The following CREBL2 variants were observed in gnomAD, a reference collection of about 807,000 sequenced individuals.
The protein encoded by CREBL2 is cAMP responsive element binding protein like 2.
A neutral mutation model predicts 19.5 loss-of-function variants in CREBL2; 4 were observed. The ratio of observed to expected loss-of-function variants is 0.20; its 90% CI spans 0.10 to 0.47. The LOEUF is 0.47. CREBL2 is among the 20% of genes least tolerant of loss of function. The probability of loss-of-function intolerance (pLI) is 0.98; values close to 1 mark genes in which losing one functional copy is unlikely to be tolerated. For synonymous variants in CREBL2, 42 were observed against 46.6 expected (o/e 0.90, Z 0.40); for missense variants, 85 against 145.1 (o/e 0.59, Z 2.13).
At chr12:12,614,764 CT>C in intron 1 of CREBL2, 1 of 341,030 alleles carries the variant, frequency 2.9e-6, no homozygotes, top group South Asian at 2.5e-5. Flanking sequence ...TGGCAAGAAT[CT>C]TTCCCTTTTT....
chr12:12,643,342 T>G lies in CREBL2; in HGVS notation c.*1344T>G, dbSNP rs1445349729. 6.6e-6 allele frequency: 1 copy of G among 152,620 alleles called. No individual in the cohort carries two copies. Among genetic ancestry groups the G allele is most frequent in the African/African-American group, 2.4e-5 (1 of 41,432 alleles). The allele number at this position is 152,620 out of a possible 1,614,324, so 9.5% of individuals were successfully genotyped here. A position where few individuals can be genotyped will look rare whatever the true frequency, so the allele number is the denominator to read the frequency against. On this transcript the variant is annotated 3_prime_UTR_variant, in exon 4 of 4. Coordinates refer to ENST00000228865, the MANE Select transcript of CREBL2 (RefSeq NM_001310.4). ...AGACAGACCCAGAAATCTTTTGATT[T>G]CCCCAGCGAGATACTTACCACTCTC...
At chr12:12,617,643 CTTTTTTTTTTTTTTTTTTTTTTTT>C (rs66943066) in intron 1 of CREBL2, among the ~76,000 whole-genome samples, 60 of 38,768 alleles carry the variant, frequency 1.5e-3, no homozygotes, top group African/African-American at 3.5e-3. Flanking sequence ...TTTAGTAATT[CTTTTTTTTTTTTTTTTTTTTTTTT>C]TTTTTTTTTT....
At chr12:12,614,863 T>G (rs1240594389) in intron 1 of CREBL2, 7 of 258,980 alleles carry the variant, frequency 2.7e-5, no homozygotes, top group African/African-American at 1.1e-4. Context: ...ATTAGTTTTT[T>G]TTTTTTTTTT....
chr12:12,619,330 C>T (rs961582741), intron 1 of CREBL2, among the ~76,000 whole-genome samples: 1 of 152,100 alleles, frequency 6.6e-6, no homozygotes, highest in Non-Finnish European at 1.5e-5. Context: ...TTCTTCTTGG[C>T]CAGGTGTGGT....
At chr12:12,621,586 A>G (rs1208114371) in intron 1 of CREBL2, among the ~76,000 whole-genome samples, 2 of 151,924 alleles carry the variant, frequency 1.3e-5, no homozygotes, top group Non-Finnish European at 2.9e-5. Context: ...GGGCGGTGAT[A>G]TATTAACCCT....
chr12:12,626,775 C>T (rs1275056547), intron 1 of CREBL2, among the ~76,000 whole-genome samples: 3 of 151,438 alleles, frequency 2.0e-5, no homozygotes, highest in Non-Finnish European at 4.4e-5. Flanking sequence ...GCTAGGTGTA[C>T]CTGTAGTTCC....
intron 3 of CREBL2, among the ~76,000 whole-genome samples, chr12:12,640,014 A>G (rs1406697722): frequency 6.6e-6 from 1 of 151,940 alleles, no homozygotes; most frequent in African/African-American, 2.4e-5. Flanking sequence ...GGGTCCAACA[A>G]AGATCACAGG....
rs1214694448 is a variant in CREBL2 at position 12,642,443 on chromosome 12, T to G, written c.*445T>G. 6.5e-6 allele frequency: 1 copy of G among 154,134 alleles called. No individual in the cohort carries two copies. The highest frequency in any genetic ancestry group is 1.4e-5 in the Non-Finnish European group (1 of 69,142). The allele number at this position is 154,134 out of a possible 1,614,324, so 9.5% of individuals were successfully genotyped here. Reference sequence around the variant, plus strand: ...ACAAAGAGAAACCAAATGAGCTGATTACTGACTATAAGTTCTCAGCCTTTA... The same window carrying G: ...ACAAAGAGAAACCAAATGAGCTGATGACTGACTATAAGTTCTCAGCCTTTA... On this transcript the variant is annotated 3_prime_UTR_variant, in exon 4 of 4. Coordinates refer to ENST00000228865, the MANE Select transcript of CREBL2 (RefSeq NM_001310.4).
chr12:12,618,354 G>A (rs1259480092), intron 1 of CREBL2, among the ~76,000 whole-genome samples: 1 of 152,014 alleles, frequency 6.6e-6, no homozygotes, highest in East Asian at 1.9e-4. Context: ...TCCTAGACGG[G>A]GTGGCGGTGG....
At chr12:12,621,323 A>C (rs1379434022) in intron 1 of CREBL2, among the ~76,000 whole-genome samples, 1 of 152,226 alleles carries the variant, frequency 6.6e-6, no homozygotes, top group Non-Finnish European at 1.5e-5. Flanking sequence ...GTTCGAGACC[A>C]GCCTGACTAA....
intron 1 of CREBL2, among the ~76,000 whole-genome samples, chr12:12,620,506 G>A (rs919695100): frequency 2.6e-5 from 4 of 152,082 alleles, no homozygotes; most frequent in Non-Finnish European, 4.4e-5. Flanking sequence ...CTGAGATTAC[G>A]GACATGAGCC....
chr12:12,636,416 T>A (rs1288568823), intron 2 of CREBL2, among the ~76,000 whole-genome samples: 1 of 148,586 alleles, frequency 6.7e-6, no homozygotes. Flanking sequence ...TATTTATTTT[T>A]ATTTTTTATT....
intron 3 of CREBL2, among the ~76,000 whole-genome samples, chr12:12,640,152 C>T (rs537536615): frequency 1.3e-5 from 2 of 152,198 alleles, no homozygotes; most frequent in Admixed American, 6.5e-5. Context: ...ACAAATTTAC[C>T]AGGGCAGAGT....
intron 1 of CREBL2, among the ~76,000 whole-genome samples, chr12:12,626,228 T>C (rs910480943): frequency 4.9e-5 from 7 of 141,770 alleles, no homozygotes; most frequent in Admixed American, 2.1e-4. Flanking sequence ...ACTATAATTA[T>C]ATGTTCTCTT....
At chr12:12,632,927 T>A (rs971596987) in intron 1 of CREBL2, among the ~76,000 whole-genome samples, 2 of 150,596 alleles carry the variant, frequency 1.3e-5, no homozygotes, top group African/African-American at 4.8e-5. Context: ...TTAATTTTTA[T>A]TTTTTATTTT....
chr12:12,615,038 C>T (rs1277195595), intron 1 of CREBL2, among the ~76,000 whole-genome samples: 2 of 151,706 alleles, frequency 1.3e-5, no homozygotes, highest in Non-Finnish European at 2.9e-5. Context: ...TTTTTTGAGA[C>T]AGGGTCTTGC....
At chr12:12,612,247 C>T in intron 1 of CREBL2, 60 bp downstream of exon 1, 1 of 1,612,362 alleles carries the variant, frequency 6.2e-7, no homozygotes. Context: ...AGTCCCGCGG[C>T]TGAACCTCCG....
chr12:12,641,657 C>T (rs1004531302), intron 3 of CREBL2, among the ~76,000 whole-genome samples: 9 of 151,994 alleles, frequency 5.9e-5, no homozygotes, highest in East Asian at 3.9e-4. Flanking sequence ...TTGAAGAAAT[C>T]GGCTTTTTGA....
intron 1 of CREBL2, among the ~76,000 whole-genome samples, chr12:12,618,846 C>T (rs551842018): frequency 3.4e-4 from 52 of 152,344 alleles, no homozygotes; most frequent in African/African-American, 1.0e-3. Context: ...CCGGCCAGCC[C>T]GGCCAACACA....
Sources: gnomAD v4.1 joint callset for allele counts (sites outside exome capture counted in the v4.1 genomes callset) on GRCh38, gnomAD v4.1.1 for gene constraint, MANE v1.5 for transcripts, NCBI Gene and HGNC (gene_info 2026-07-23, HGNC 2026-07-21) for gene names.